Variants in TLE2 observed in about 807,000 individuals in gnomAD.
TLE2 encodes the protein TLE family member 2, transcriptional corepressor.
A neutral mutation model predicts 97.2 loss-of-function variants in TLE2; 74 were observed. The ratio of observed to expected loss-of-function variants is 0.76; its 90% confidence interval spans 0.63 to 0.92. TLE2 has a LOEUF of 0.92. Among genes scored for constraint, TLE2 ranks in the 40% least tolerant of loss-of-function variants. The pLI is 0.00. For missense variants in TLE2, 1,038 were observed against 1,008.7 expected, an observed-to-expected ratio of 1.03 and a Z score of -0.39; for synonymous variants, 499 against 432.1, an observed-to-expected ratio of 1.15 and a Z score of -1.92.
At chr19:3,031,779 T>A (rs1319278350), upstream of TLE2, among the ~76,000 whole-genome samples, 2 of 152,126 alleles carry the variant, frequency 1.3e-5, no homozygotes, top group African/African-American at 4.8e-5. Context: ...CTTCTTATCA[T>A]TCAAGTCTCA....
At chr19:3,006,694 C>T in intron 14 of TLE2, 25 bp from the exon 15 acceptor site, 2 of 1,565,276 alleles carry the variant, frequency 1.3e-6, no homozygotes, top group South Asian at 1.2e-5. Context: ...GGGGCATGAC[C>T]CAGCCCTGGG....
rs369405404 is a variant in TLE2 at position 3,006,584 on chromosome 19, G to A, written c.1336C>T (p.Arg446Trp). 36 of 1,606,166 alleles carry A rather than the reference G, an allele frequency of 2.2e-5. No homozygotes were observed. The highest frequency in any genetic ancestry group is 2.7e-5 in the African/African-American group (2 of 74,758). ...AGCGTGTGCAGCTGCCGGGCGTGCC[G>A]CGGGATGCCCGCGCCTACCAGTGCA... ...SDALVGAGIP[R>W]HARQLHTLAH... Residue 446 changes from arginine to tryptophan, a missense_variant, in exon 15 of 20, where the codon CGG becomes TGG. Physicochemically the swap from Arg to Trp is moderately radical, Grantham distance 101. Coordinates refer to ENST00000262953, the MANE Select transcript of TLE2 (RefSeq NM_003260.5).
At chr19:3,047,165 T>C (rs1467716435), upstream of TLE2, among the ~76,000 whole-genome samples, 2 of 30,904 alleles carry the variant, frequency 6.5e-5, no homozygotes, top group Admixed American at 3.6e-4. Flanking sequence ...TCCCCTCCCC[T>C]CCCCCTACCC....
intron 18 of TLE2, among the ~76,000 whole-genome samples, chr19:3,002,077 C>T (rs111499805): frequency 1.1e-3 from 168 of 152,132 alleles, no homozygotes; most frequent in Non-Finnish European, 1.8e-3. Flanking sequence ...GGATGACAGG[C>T]GTGAGCTACC....
chr19:3,019,879 G>C lies in TLE2; in HGVS notation c.295-106C>G, dbSNP rs992910110. The C allele has an allele frequency of 7.2e-7, 1 of 1,380,336 alleles. No homozygotes were observed. Among genetic ancestry groups the C allele is most frequent in the African/African-American group, 1.4e-5 (1 of 69,242 alleles). The allele number at this position is 1,380,336 out of a possible 1,614,324, so 85.5% of individuals were successfully genotyped here. ...CCCGCCACCCTCTCATCTTTGCCCC[G>C]GTACTTCCCATTTCTCTTTTATCTT... On this transcript the variant is annotated intron_variant, in intron 5 of 19. Transcript: ENST00000262953. The surrounding 1 kb of genome is among the most constrained non-coding windows in gnomAD (Gnocchi z 5.1).
In TLE2 at chr19:3,019,056, A is replaced by G. The variant is rs1350500011; in HGVS notation, c.550+227T>C. Among the ~76,000 whole-genome samples, 3 of 151,594 alleles carry G rather than the reference A, an allele frequency of 2.0e-5. No homozygotes were observed. The highest frequency in any genetic ancestry group is 4.4e-5 in the Non-Finnish European group (3 of 67,964). On this transcript the variant is annotated intron_variant, in intron 7 of 19. Transcript: ENST00000262953. The surrounding 1 kb of genome is among the most constrained non-coding windows in gnomAD (Gnocchi z 5.1). ...TGGGAATACAGGTGTGCACCATCCC[A>G]CCCAGCAAATTTTTAAATTTTTGTA...
intron 5 of TLE2, 115 bp downstream of exon 5, chr19:3,024,905 C>G (rs72988949): frequency 2.4e-5 from 21 of 880,348 alleles, no homozygotes; most frequent in Non-Finnish European, 3.3e-5. Context: ...GGTCTCTATC[C>G]GTGCTGCAGG....
chr19:3,015,697 C>T lies in TLE2; in HGVS notation c.634G>A (p.Gly212Ser), dbSNP rs1212425835. Reference protein sequence around the residue: ...EEERPSGPGGGGKQRADEKEP... With the variant: ...EEERPSGPGGSGKQRADEKEP... The stretch of plus-strand genomic sequence containing the variant: ...TTCTCATCTGCTCTCTGCTTCCCGC[C>T]ACCACCAGGGCCACTCGGTCGCTCC... Residue 212 changes from glycine (G) to serine (S), a missense_variant, in exon 9 of 20, where the codon GGC becomes AGC. Physicochemically the swap from Gly to Ser is moderately conservative, Grantham distance 56. Transcript: ENST00000262953. The T allele has an allele frequency of 8.1e-6, 13 of 1,611,678 alleles. No individual in the cohort carries two copies. The highest frequency in any genetic ancestry group is 1.1e-5 in the Non-Finnish European group (13 of 1,179,414).
intron 1 of TLE2, among the ~76,000 whole-genome samples, chr19:3,035,340 T>A (rs1006239542): frequency 6.6e-6 from 1 of 151,312 alleles, no homozygotes; most frequent in Non-Finnish European, 1.5e-5. Flanking sequence ...GTGGGTAGAG[T>A]CCCCAGCGAC....
chr19:3,045,088 C>T (rs2090132266), intron 1 of TLE2, among the ~76,000 whole-genome samples: 1 of 152,122 alleles, frequency 6.6e-6, no homozygotes, highest in African/African-American at 2.4e-5. Flanking sequence ...GTGGTGTGTG[C>T]CTGTAGTCTT....
At chr19:2,999,162 A>C (rs1377521840) in intron 19 of TLE2, among the ~76,000 whole-genome samples, 1 of 151,868 alleles carries the variant, frequency 6.6e-6, no homozygotes, top group Non-Finnish European at 1.5e-5. Flanking sequence ...GGCACATGTA[A>C]TGCCAGTTAC....
intron 13 of TLE2, among the ~76,000 whole-genome samples, 155 bp from the exon 14 acceptor site, chr19:3,009,100 G>A (rs2089537075): frequency 6.6e-6 from 1 of 152,228 alleles, no homozygotes; most frequent in East Asian, 1.9e-4. Context: ...AGATGAGAGG[G>A]CTGAGGTTTT....
At chr19:3,005,687 G>A (rs1009188313) in intron 16 of TLE2, 34 bp downstream of exon 16, 1 of 1,608,488 alleles carries the variant, frequency 6.2e-7, no homozygotes, top group Non-Finnish European at 8.5e-7. Flanking sequence ...GCGGCCGGGG[G>A]CTTGCCCAAG....
upstream of TLE2, among the ~76,000 whole-genome samples, chr19:3,031,342 T>TTGTGTGTGTGTG (rs60898410): frequency 3.6e-5 from 5 of 139,900 alleles, no homozygotes; most frequent in Admixed American, 7.3e-5. Flanking sequence ...AAAGATACAA[T>TTGTGTGTGTGTG]TGTGTGTGTG....
chr19:3,008,846 G>T, intron 14 of TLE2, 23 bp downstream of exon 14: 1 of 1,527,520 alleles, frequency 6.5e-7, no homozygotes, highest in Non-Finnish European at 8.8e-7. Context: ...ACCCCAGGCA[G>T]GGAGCCCCAC....
intron 1 of TLE2, among the ~76,000 whole-genome samples, chr19:3,037,896 T>G (rs2090073696): frequency 6.6e-6 from 1 of 152,044 alleles, no homozygotes; most frequent in African/African-American, 2.4e-5. Context: ...CCAAGATGGG[T>G]GGATCACCTG....
intron 17 of TLE2, 134 bp from the exon 18 acceptor site, chr19:3,002,637 CAA>C: frequency 1.9e-6 from 2 of 1,036,026 alleles, no homozygotes; most frequent in South Asian, 3.1e-5. Flanking sequence ...CTCCAGGGCT[CAA>C]GAGATCCTCC....
intron 18 of TLE2, 70 bp from the exon 19 acceptor site, chr19:3,000,793 C>T (rs925189658): frequency 2.3e-5 from 25 of 1,087,868 alleles, no homozygotes; most frequent in African/African-American, 3.3e-5. Flanking sequence ...AGGGGGAGGT[C>T]GGGGAAGCTG....
intron 15 of TLE2, 148 bp from the exon 16 acceptor site, chr19:3,006,116 C>G (rs1168621985): frequency 9.5e-7 from 1 of 1,050,494 alleles, no homozygotes; most frequent in Non-Finnish European, 1.5e-6. Flanking sequence ...TGAGCCCCGC[C>G]CCTTTGACCT....
Sources: allele counts gnomAD v4.1 joint callset (sites outside exome capture counted in the v4.1 genomes callset), GRCh38; gene constraint gnomAD v4.1.1; non-coding constraint Gnocchi (gnomAD v3.1); transcripts MANE v1.5; gene names NCBI Gene and HGNC (gene_info 2026-07-23, HGNC 2026-07-21).